FAT3: variants seen among roughly 807,000 people sequenced by gnomAD.
FAT3 encodes the protein FAT atypical cadherin 3, also known as protocadherin Fat 3.
Under a neutral mutation model 310.2 loss-of-function variants are expected in FAT3, and 95 were observed. The observed-to-expected ratio is 0.31, with a 90% confidence interval of 0.26 to 0.36. FAT3 has a LOEUF of 0.36. FAT3 is among the 10% of genes least tolerant of loss of function. The pLI is 1.00. For missense variants in FAT3, 5,408 were observed against 5,715.6 expected (o/e 0.95, Z 1.74); for synonymous variants, 2,314 against 2,192.9 (o/e 1.06, Z -1.54).
intron 1 of FAT3, among the ~76,000 whole-genome samples, chr11:92,246,208 G>A (rs1591001241): frequency 6.6e-6 from 1 of 152,196 alleles, no homozygotes; most frequent in East Asian, 1.9e-4. Flanking sequence ...GAAAGGGGAG[G>A]TGGTTGAAGT....
intron 2 of FAT3, among the ~76,000 whole-genome samples, chr11:92,499,735 G>GTA (rs57018657): frequency 0.37 from 56,131 of 150,856 alleles, 11,628 homozygotes; most frequent in East Asian, 0.61. Flanking sequence ...GTGTGTGTGT[G>GTA]TGTGTGTGTG....
rs962116637 is a variant in FAT3, at chr11:92,883,462, C to G, written c.12937+69C>G. On this transcript the variant is annotated intron_variant, in intron 24 of 27. Coordinates refer to ENST00000525166, the MANE Select transcript of FAT3 (RefSeq NM_001367949.2). The surrounding 1 kb of genome is among the most constrained non-coding windows in gnomAD (Gnocchi z 4.2). The stretch of plus-strand genomic sequence containing the variant: ...AACCTGCAGGGGCGCTGTGCGAGGA[C>G]GCTACGGGAAGGGAGAGAGACCCCG... 2.0e-6 allele frequency: 3 copies of G among 1,525,110 alleles called. No homozygotes were observed. The highest frequency in any genetic ancestry group is 2.6e-6 in the Non-Finnish European group (3 of 1,133,276). The allele number at this position is 1,525,110 out of a possible 1,614,324, so 94.5% of individuals were successfully genotyped here. A position where few individuals can be genotyped will look rare whatever the true frequency, so the allele number is the denominator to read the frequency against.
At chr11:92,303,229 C>A (rs930544063) in intron 1 of FAT3, among the ~76,000 whole-genome samples, 3 of 151,982 alleles carry the variant, frequency 2.0e-5, no homozygotes, top group Non-Finnish European at 2.9e-5. Flanking sequence ...AAACCATTTT[C>A]CCAAGGAATT....
intron 18 of FAT3, 126 bp downstream of exon 18, chr11:92,840,885 C>G: frequency 2.3e-6 from 2 of 882,762 alleles, no homozygotes; most frequent in Non-Finnish European, 3.2e-6. Context: ...GGAATGTTCC[C>G]CCTTTTAATC....
At position 92,276,127 on chromosome 11, in the gene FAT3, AC is replaced by A. The variant is rs138898305; in HGVS notation, c.-18+50955del. 2.9e-3 allele frequency among the ~76,000 whole-genome samples: 439 copies of A among 152,300 alleles called. 1 individual carries two copies. The highest frequency in any genetic ancestry group is 5.1e-3 in the Non-Finnish European group (346 of 68,002). The stretch of plus-strand genomic sequence containing the variant: ...AATTTGCATGGGCAAATAGTCCCGA[AC>A]CAAAATATTTTCTTTAGCACAAACT... On this transcript the variant is annotated intron_variant, in intron 1 of 27. Transcript: ENST00000525166.
At position 92,292,448 on chromosome 11, in the gene FAT3, C is replaced by T. The variant is rs373438278; in HGVS notation, c.-17-59648C>T. 1.9e-4 allele frequency among the ~76,000 whole-genome samples: 29 copies of T among 152,106 alleles called. No homozygotes were observed. In the South Asian group the frequency reaches 6.0e-3, roughly 31 times the overall value. ...GATGGGAAGTGAGGTGAGACAGCTG[C>T]TTTTGTTTGTGAGGAAACTTAATTT... On this transcript the variant is annotated intron_variant, in intron 1 of 27. Transcript: ENST00000525166.
chr11:92,867,954 G>T (rs1456592208), intron 22 of FAT3, among the ~76,000 whole-genome samples: 2 of 151,998 alleles, frequency 1.3e-5, no homozygotes, highest in Non-Finnish European at 2.9e-5. Context: ...TTGTTTGAGG[G>T]GAAAGCCAAG....
At chr11:92,823,160 C>G (rs1948014803) in intron 13 of FAT3, among the ~76,000 whole-genome samples, 2 of 152,104 alleles carry the variant, frequency 1.3e-5, no homozygotes, top group Admixed American at 1.3e-4. Flanking sequence ...TTAAGTATTT[C>G]TTGGATGAAT....
At chr11:92,287,738 C>T (rs1946594169) in intron 1 of FAT3, among the ~76,000 whole-genome samples, 4 of 152,036 alleles carry the variant, frequency 2.6e-5, no homozygotes, top group African/African-American at 7.2e-5. Flanking sequence ...TAACATTTAC[C>T]GAAGAAGCCA....
intron 1 of FAT3, among the ~76,000 whole-genome samples, chr11:92,343,138 A>C (rs1948310803): frequency 6.6e-6 from 1 of 152,200 alleles, no homozygotes. Flanking sequence ...TTTTTCTCAG[A>C]ATCAACTTGA....
chr11:92,857,124 G>C lies in FAT3; in HGVS notation c.11366-90G>C, dbSNP rs1948999758. On this transcript the variant is annotated intron_variant, in intron 19 of 27. Coordinates refer to ENST00000525166, the MANE Select transcript of FAT3 (RefSeq NM_001367949.2). ...ACATATCCCAGCTCTTGAGCCATTT[G>C]TGTGTTCCCTTTGAACCTTTTCTAT... is the stretch of plus-strand genomic sequence containing the variant. 1.9e-6 allele frequency: 3 copies of C among 1,589,500 alleles called. No homozygotes were observed. The South Asian group carries it at 3.3e-5, about 18-fold the overall frequency.
At chr11:92,582,896 G>A (rs76629219) in intron 3 of FAT3, among the ~76,000 whole-genome samples, 2,487 of 152,062 alleles carry the variant, frequency 0.016, 68 homozygotes, top group African/African-American at 0.057. Context: ...CAAAATCTGG[G>A]CCAAAAGCCT....
intron 3 of FAT3, among the ~76,000 whole-genome samples, chr11:92,639,720 T>A (rs1261428025): frequency 2.0e-5 from 3 of 152,162 alleles, no homozygotes; most frequent in Non-Finnish European, 4.4e-5. Context: ...GTATTGTGAT[T>A]TTCATCCTTT....
At chr11:92,466,428 T>A (rs1210941579) in intron 2 of FAT3, among the ~76,000 whole-genome samples, 1 of 151,966 alleles carries the variant, frequency 6.6e-6, no homozygotes, top group African/African-American at 2.4e-5. Context: ...AGATATTGAG[T>A]TATTAGAGTT....
At chr11:92,621,877 G>T (rs1367619610) in intron 3 of FAT3, among the ~76,000 whole-genome samples, 1 of 152,140 alleles carries the variant, frequency 6.6e-6, no homozygotes, top group Admixed American at 6.5e-5. Context: ...GAAACCCCTA[G>T]GATGCGTGTT....
At chr11:92,857,545 G>A (rs970747204) in intron 20 of FAT3, among the ~76,000 whole-genome samples, 197 bp downstream of exon 20, 6 of 152,212 alleles carry the variant, frequency 3.9e-5, no homozygotes, top group Non-Finnish European at 8.8e-5. Flanking sequence ...TGCTAAGGGA[G>A]CATGTAAAGA....
chr11:92,228,433 G>A (rs1864016320), intron 1 of FAT3, among the ~76,000 whole-genome samples: 1 of 152,092 alleles, frequency 6.6e-6, no homozygotes, highest in Admixed American at 6.6e-5. Context: ...TATGCTATAC[G>A]GTTATTTTGC....
At chr11:92,856,349 A>G (rs1229741742) in intron 19 of FAT3, among the ~76,000 whole-genome samples, 1 of 152,020 alleles carries the variant, frequency 6.6e-6, no homozygotes, top group African/African-American at 2.4e-5. Context: ...CCTTTTTTAT[A>G]ATTCTTTTAC....
intron 3 of FAT3, among the ~76,000 whole-genome samples, chr11:92,651,150 C>T (rs915068738): frequency 3.3e-5 from 5 of 152,232 alleles, no homozygotes; most frequent in Non-Finnish European, 5.9e-5. Context: ...CTTTACTTTA[C>T]AGCCAATTGT....
Sources: allele counts gnomAD v4.1 joint callset (sites outside exome capture counted in the v4.1 genomes callset), GRCh38; gene constraint gnomAD v4.1.1; non-coding constraint Gnocchi (gnomAD v3.1); transcripts MANE v1.5; gene names NCBI Gene and HGNC (gene_info 2026-07-23, HGNC 2026-07-21).